RAB33A: variants seen among roughly 807,000 people sequenced by gnomAD.
The protein encoded by RAB33A is RAB33A, member RAS oncogene family, also known as ras-related protein Rab-33A.
RAB33A carries 6 observed loss-of-function variants against 12.0 expected under a neutral mutation model. The ratio of observed to expected loss-of-function variants is 0.50; its 90% CI spans 0.27 to 0.99. The LOEUF (loss-of-function observed/expected upper bound fraction) is 0.99. RAB33A is among the 50% of genes least tolerant of loss of function. The pLI, the probability that RAB33A is intolerant of heterozygous loss-of-function variation, is 0.11. For missense variants in RAB33A, 109 were observed against 192.0 expected (o/e 0.57, Z 2.55); for synonymous variants, 70 against 82.4 (o/e 0.85, Z 0.81).
At chrX:130,169,909 T>C (rs963488284), upstream of RAB33A, among the ~76,000 whole-genome samples, 5 of 112,343 alleles carry the variant, frequency 4.5e-5, no homozygotes, top group Non-Finnish European at 9.4e-5. Context: ...ATTCTGTAGA[T>C]AAAGATCATC....
At chrX:130,178,083 G>A (rs2031681115) in intron 1 of RAB33A, among the ~76,000 whole-genome samples, 1 of 112,197 alleles carries the variant, frequency 8.9e-6, no homozygotes, top group Non-Finnish European at 1.9e-5. Flanking sequence ...GCCGAGGCAG[G>A]ATGATTGCTT....
chrX:130,117,555 C>A, the RAB33A span, among the ~76,000 whole-genome samples: 1 of 111,563 alleles, frequency 9.0e-6, no homozygotes, highest in Non-Finnish European at 1.9e-5. Flanking sequence ...AGACACAAAC[C>A]TGTGGTTCAT....
At chrX:130,148,512 A>G in the RAB33A span, among the ~76,000 whole-genome samples, 1 of 111,616 alleles carries the variant, frequency 9.0e-6, no homozygotes, top group African/African-American at 3.3e-5. Flanking sequence ...AGGGGAACAA[A>G]ACAGACTAGA....
the RAB33A span, among the ~76,000 whole-genome samples, chrX:130,144,716 T>G: frequency 8.9e-6 from 1 of 112,183 alleles, no homozygotes; most frequent in South Asian, 3.7e-4. Flanking sequence ...CACACCTATG[T>G]GTTATGATTA....
the RAB33A span, among the ~76,000 whole-genome samples, chrX:130,135,419 C>G: frequency 3.7e-5 from 3 of 80,979 alleles, no homozygotes; most frequent in Admixed American, 3.2e-4. Flanking sequence ...TTAAAAAGAT[C>G]CAGTACATCT....
chrX:130,146,899 C>T, the RAB33A span, among the ~76,000 whole-genome samples: 1 of 112,460 alleles, frequency 8.9e-6, no homozygotes, highest in African/African-American at 3.2e-5. Flanking sequence ...CAGTGGCTCA[C>T]GCCTGTAATC....
the RAB33A span, chrX:130,136,518 T>G: frequency 1.5e-6 from 1 of 646,118 alleles, no homozygotes; most frequent in South Asian, 2.3e-5. Flanking sequence ...ATTCGGAAAA[T>G]TATATCAGGT....
chrX:130,154,016 A>G, the RAB33A span, among the ~76,000 whole-genome samples: 1 of 112,518 alleles, frequency 8.9e-6, no homozygotes, highest in Non-Finnish European at 1.9e-5. Context: ...CGGACAAAAA[A>G]ACTAAGCCAC....
At chrX:130,118,008 C>T in the RAB33A span, among the ~76,000 whole-genome samples, 1 of 112,246 alleles carries the variant, frequency 8.9e-6, no homozygotes, top group Admixed American at 9.4e-5. Flanking sequence ...CTTGAGTGTG[C>T]TGGGGGATGG....
the RAB33A span, among the ~76,000 whole-genome samples, chrX:130,125,359 C>T: frequency 1.8e-5 from 2 of 111,626 alleles, no homozygotes; most frequent in African/African-American, 6.5e-5. Flanking sequence ...GGCAGGGGAA[C>T]GTCATCACTG....
Position 130,182,157 on chromosome X carries a change from A to AATATAT in RAB33A, c.259-2108_259-2103dup, listed in dbSNP as rs1300343120. Among the ~76,000 whole-genome samples the AATATAT allele has an allele frequency of 1.1e-4, 5 of 44,617 alleles. No homozygotes were observed. The East Asian group carries it at 2.4e-3, about 21-fold the overall frequency. The allele number at this position is 44,617 out of a possible 115,157, so 38.7% of individuals were successfully genotyped here. A position where few individuals can be genotyped will look rare whatever the true frequency, so the allele number is the denominator to read the frequency against. ...GTCTCTACAAAAAAAAAAAAAAAAA[A>AATATAT]ATATATATATATATATATATATATA... On this transcript the variant is annotated intron_variant, in intron 1 of 1. Transcript: ENST00000257017.
the RAB33A span, among the ~76,000 whole-genome samples, chrX:130,153,957 C>G: frequency 8.9e-6 from 1 of 112,319 alleles, no homozygotes; most frequent in Admixed American, 9.4e-5. Context: ...CTCATCAAAT[C>G]TGAACACTGA....
At chrX:130,164,339 C>A in the RAB33A span, among the ~76,000 whole-genome samples, 1 of 112,392 alleles carries the variant, frequency 8.9e-6, no homozygotes, top group Non-Finnish European at 1.9e-5. Context: ...GGACATAACT[C>A]AAATACACCT....
the RAB33A span, among the ~76,000 whole-genome samples, chrX:130,127,179 G>A: frequency 1.8e-5 from 2 of 111,392 alleles, no homozygotes; most frequent in African/African-American, 6.5e-5. Flanking sequence ...TTTTTAAACA[G>A]GGAGGGGACA....
intron 1 of RAB33A, among the ~76,000 whole-genome samples, chrX:130,182,159 T>A (rs5932722): frequency 0.1 from 3,388 of 33,771 alleles, 125 homozygotes; most frequent in African/African-American, 0.12. Flanking sequence ...AAAAAAAAAA[T>A]ATATATATAT....
At position 130,184,592 on chromosome X, in the gene RAB33A, A is replaced by G; in HGVS notation, c.566A>G (p.Gln189Arg). The part of the protein sequence containing the change: ...ETSAKDPKES[Q>R]NVESIFMCLA... ...TCGGCCAAGGACCCCAAAGAGAGCC[A>G]GAACGTGGAGTCGATTTTCATGTGC... The change falls in exon 2 of 2, where the codon CAG becomes CGG. Residue 189 changes from glutamine to arginine, a missense_variant. By Grantham distance (43) the Gln-to-Arg change is conservative (BLOSUM62 1). Transcript: ENST00000257017. 1 of 1,211,716 alleles carries G rather than the reference A, an allele frequency of 8.3e-7. No individual in the cohort carries two copies. Among genetic ancestry groups the G allele is most frequent in the African/African-American group, 1.7e-5 (1 of 57,789 alleles).
chrX:130,154,077 C>T, the RAB33A span, among the ~76,000 whole-genome samples: 2 of 112,497 alleles, frequency 1.8e-5, no homozygotes, highest in Non-Finnish European at 3.8e-5. Flanking sequence ...CTGTACATAA[C>T]AGTTCAATAA....
the RAB33A span, among the ~76,000 whole-genome samples, chrX:130,126,613 T>C: frequency 9.0e-6 from 1 of 111,714 alleles, no homozygotes; most frequent in East Asian, 2.8e-4. Context: ...GTGGTGATGA[T>C]CTGAACATCC....
the RAB33A span, chrX:130,155,095 T>C: frequency 1.7e-6 from 2 of 1,173,553 alleles, no homozygotes; most frequent in Non-Finnish European, 2.3e-6. Context: ...TATCAAGTTT[T>C]CATTAGTGCC....
Sources: allele counts gnomAD v4.1 joint callset (sites outside exome capture counted in the v4.1 genomes callset), GRCh38; gene constraint gnomAD v4.1.1; transcripts MANE v1.5; gene names NCBI Gene and HGNC (gene_info 2026-07-23, HGNC 2026-07-21).